Variants in RABGAP1L observed in about 807,000 individuals in gnomAD.
The protein encoded by RABGAP1L is rab GTPase-activating protein 1-like.
In RABGAP1L, 63 loss-of-function variants were observed where a neutral mutation model predicts 137.7. The observed-to-expected ratio is 0.46, with a 90% CI of 0.37 to 0.56. The LOEUF is 0.56. Among genes scored for constraint, RABGAP1L ranks in the 20% least tolerant of loss-of-function variants. RABGAP1L has a pLI of 0.00. For synonymous variants in RABGAP1L, 431 were observed against 433.7 expected (o/e 0.99, Z 0.08); for missense variants, 1,095 against 1,244.0 (o/e 0.88, Z 1.80).
intron 15 of RABGAP1L, among the ~76,000 whole-genome samples, chr1:174,693,281 T>C (rs935878170): frequency 2.0e-4 from 30 of 152,230 alleles, no homozygotes; most frequent in African/African-American, 6.8e-4. Context: ...ATCATGGTCA[T>C]ATCAGTGCTG....
intron 20 of RABGAP1L, among the ~76,000 whole-genome samples, chr1:174,967,323 C>A (rs1417352060): frequency 6.8e-6 from 1 of 147,494 alleles, no homozygotes; most frequent in South Asian, 2.1e-4. Flanking sequence ...ACCACACCAC[C>A]CAGCTAATTT....
At chr1:174,177,439 A>G (rs1184070396) in intron 1 of RABGAP1L, among the ~76,000 whole-genome samples, 3 of 151,970 alleles carry the variant, frequency 2.0e-5, no homozygotes, top group Non-Finnish European at 2.9e-5. Context: ...TTGCCTATTC[A>G]CTCTGATGAT....
chr1:174,246,298 G>C (rs934762364), intron 5 of RABGAP1L: 4 of 152,072 alleles, frequency 2.6e-5, no homozygotes, highest in African/African-American at 9.7e-5. Context: ...CTGTTTTCTG[G>C]AGAAAGATTG....
At chr1:174,519,866 T>C (rs1663215560) in intron 13 of RABGAP1L, among the ~76,000 whole-genome samples, 1 of 152,206 alleles carries the variant, frequency 6.6e-6, no homozygotes, top group Admixed American at 6.5e-5. Flanking sequence ...AAGGCAAAAA[T>C]GTGGCTTTAG....
intron 19 of RABGAP1L, among the ~76,000 whole-genome samples, chr1:174,882,973 C>T (rs1654492218): frequency 1.3e-5 from 2 of 152,152 alleles, no homozygotes; most frequent in Non-Finnish European, 2.9e-5. Flanking sequence ...CAGGCACACA[C>T]CACCATGCCT....
intron 12 of RABGAP1L, among the ~76,000 whole-genome samples, chr1:174,384,290 A>T (rs2149052976): frequency 6.6e-6 from 1 of 152,336 alleles, no homozygotes; most frequent in East Asian, 1.9e-4. Context: ...AAGAGGGTCC[A>T]GGGAATTTGG....
At chr1:174,558,044 C>G (rs542391150) in intron 13 of RABGAP1L, among the ~76,000 whole-genome samples, 3 of 152,330 alleles carry the variant, frequency 2.0e-5, no homozygotes, top group South Asian at 4.1e-4. Flanking sequence ...GCTTCCTTAT[C>G]CCCTGAAGGG....
intron 19 of RABGAP1L, among the ~76,000 whole-genome samples, chr1:174,843,238 T>G (rs914304397): frequency 6.6e-6 from 1 of 151,770 alleles, no homozygotes; most frequent in South Asian, 2.1e-4. Flanking sequence ...TTTTTTTTTT[T>G]TTTTATACTT....
chr1:174,651,352 T>C (rs1434966922), intron 14 of RABGAP1L, among the ~76,000 whole-genome samples: 3 of 152,222 alleles, frequency 2.0e-5, no homozygotes, highest in African/African-American at 4.8e-5. Context: ...CTATTAGGTC[T>C]GCTTGGTGCA....
intron 1 of RABGAP1L, among the ~76,000 whole-genome samples, chr1:174,187,363 G>T (rs1282202817): frequency 6.6e-6 from 1 of 151,960 alleles, no homozygotes; most frequent in Non-Finnish European, 1.5e-5. Context: ...CATATATATT[G>T]GGTTTACCAT....
At chr1:174,596,640 A>G (rs569504755) in intron 13 of RABGAP1L, among the ~76,000 whole-genome samples, 2 of 152,310 alleles carry the variant, frequency 1.3e-5, no homozygotes, top group Non-Finnish European at 2.9e-5. Context: ...TTTTCTAAAT[A>G]TAAGATTATA....
chr1:174,752,033 A>G (rs766040819), intron 17 of RABGAP1L, among the ~76,000 whole-genome samples: 11 of 152,312 alleles, frequency 7.2e-5, no homozygotes, highest in Non-Finnish European at 8.8e-5. Flanking sequence ...CTTGACTTTC[A>G]CAAGACTTAG....
At chr1:174,290,901 A>G (rs1676535048) in intron 10 of RABGAP1L, among the ~76,000 whole-genome samples, 1 of 151,786 alleles carries the variant, frequency 6.6e-6, no homozygotes, top group East Asian at 1.9e-4. Context: ...AGCTGGGACT[A>G]CAAGCATGTG....
chr1:174,822,580 C>T (rs956597180), intron 19 of RABGAP1L, among the ~76,000 whole-genome samples: 2 of 152,156 alleles, frequency 1.3e-5, no homozygotes, highest in African/African-American at 4.8e-5. Flanking sequence ...TCATGGAAGA[C>T]AATTTTTCCA....
rs577422584 is a variant in RABGAP1L at position 174,960,998 on chromosome 1, C to G, written c.2433+3449C>G. Among the ~76,000 whole-genome samples, 20 of 152,324 alleles carry G rather than the reference C, an allele frequency of 1.3e-4. No individual in the cohort carries two copies. In the East Asian group the frequency reaches 3.9e-3, roughly 29 times the overall value. On this transcript the variant is annotated intron_variant, in intron 20 of 25. Transcript: ENST00000681986. ...GTTTATATTTTAAACTCAGTGAACA[C>G]CATAATGACTGCTTTATAGCCTTTA... is the stretch of plus-strand genomic sequence containing the variant.
chr1:174,683,838 C>T (rs532606810), intron 15 of RABGAP1L, among the ~76,000 whole-genome samples: 19 of 152,282 alleles, frequency 1.2e-4, no homozygotes, highest in African/African-American at 4.6e-4. Context: ...TTATTTTTAA[C>T]TAGAATCCTC....
intron 14 of RABGAP1L, among the ~76,000 whole-genome samples, chr1:174,674,980 G>T (rs1382935135): frequency 0.017 from 2,108 of 121,478 alleles, no homozygotes; most frequent in South Asian, 0.023. Flanking sequence ...TGTAGATTCT[G>T]GATATTAGCC....
chr1:174,939,869 C>T (rs944825270), intron 19 of RABGAP1L, among the ~76,000 whole-genome samples: 9 of 152,236 alleles, frequency 5.9e-5, no homozygotes, highest in African/African-American at 2.2e-4. Context: ...TAGTCTTTAT[C>T]TGTTTCTTTT....
At chr1:174,588,047 G>A (rs1485527379) in intron 13 of RABGAP1L, among the ~76,000 whole-genome samples, 5 of 151,946 alleles carry the variant, frequency 3.3e-5, no homozygotes, top group African/African-American at 9.7e-5. Context: ...TGTATTTTTA[G>A]TAGGGACAGA....
Sources: allele counts gnomAD v4.1 joint callset (sites outside exome capture counted in the v4.1 genomes callset), GRCh38; gene constraint gnomAD v4.1.1; transcripts MANE v1.5; gene names NCBI Gene and HGNC (gene_info 2026-07-23, HGNC 2026-07-21).